The following BFAR variants were observed in gnomAD, a reference collection of about 807,000 sequenced individuals.
BFAR encodes the protein RING finger protein 47.
Under a neutral mutation model 54.4 loss-of-function variants are expected in BFAR, and 52 were observed. The ratio of observed to expected loss-of-function variants is 0.96; its 90% CI spans 0.77 to 1.21. The LOEUF (loss-of-function observed/expected upper bound fraction) is 1.21, where lower values mean the gene tolerates loss of function less well. BFAR is among the 50% of genes most tolerant of loss of function. The probability of loss-of-function intolerance (pLI) is 0.00; values close to 1 mark genes in which losing one functional copy is unlikely to be tolerated. For synonymous variants in BFAR, 215 were observed against 204.3 expected (o/e 1.05, Z -0.45); for missense variants, 571 against 534.0 (o/e 1.07, Z -0.68).
At chr16:14,641,839 G>A (rs1349480252) in intron 1 of BFAR, among the ~76,000 whole-genome samples, 1 of 152,166 alleles carries the variant, frequency 6.6e-6, no homozygotes, top group Non-Finnish European at 1.5e-5. Flanking sequence ...TCCAGCCTGG[G>A]CAAAAAGAGC....
At chr16:14,651,419 C>T (rs964072842) in intron 4 of BFAR, among the ~76,000 whole-genome samples, 2 of 152,206 alleles carry the variant, frequency 1.3e-5, no homozygotes, top group Admixed American at 1.3e-4. Flanking sequence ...GCACTCCCCT[C>T]CAGGAACCTC....
intron 1 of BFAR, among the ~76,000 whole-genome samples, chr16:14,640,169 GAA>G (rs1491552354): frequency 1.3e-5 from 2 of 150,582 alleles, no homozygotes; most frequent in African/African-American, 4.9e-5. Flanking sequence ...AAAAAAAGAA[GAA>G]GAGAGAGAGA....
In BFAR at chr16:14,668,110, A is replaced by C; in HGVS notation, c.*283A>C. ...CAGGGACTAGGAGGCTCAGTCCCCAACGGCTGGCAAGACTCAGGGTCCTCA... is the reference window on the plus strand; with the variant it reads ...CAGGGACTAGGAGGCTCAGTCCCCACCGGCTGGCAAGACTCAGGGTCCTCA... On this transcript the variant is annotated 3_prime_UTR_variant, in exon 8 of 8. Coordinates refer to ENST00000261658, the MANE Select transcript of BFAR (RefSeq NM_016561.3). The C allele has an allele frequency of 2.3e-6, 1 of 437,228 alleles. No homozygotes were observed. The highest frequency in any genetic ancestry group is 4.1e-6 in the Non-Finnish European group (1 of 243,152). The allele number at this position is 437,228 out of a possible 1,614,324, so 27.1% of individuals were successfully genotyped here. A position where few individuals can be genotyped will look rare whatever the true frequency, so the allele number is the denominator to read the frequency against.
In BFAR at chr16:14,663,378, C is replaced by T. The variant is rs191777416; in HGVS notation, c.957+1313C>T. Among the ~76,000 whole-genome samples, 921 of 151,972 alleles carry T rather than the reference C, an allele frequency of 6.1e-3. 5 individuals are homozygous for T. Among genetic ancestry groups the T allele is most frequent in the Non-Finnish European group, 1.0e-2 (679 of 67,978 alleles). On this transcript the variant is annotated intron_variant, in intron 6 of 7. Coordinates refer to ENST00000261658, the MANE Select transcript of BFAR (RefSeq NM_016561.3). ...ACAGAGTCTCGCCCTGTCGCCCAGG[C>T]TGGAGTGCAGTGGCGCAATCTTGGC...
In BFAR at chr16:14,669,187, G is replaced by A. The variant is rs1198748583; in HGVS notation, c.*1360G>A. The A allele has an allele frequency of 6.3e-6, 2 of 319,698 alleles. No individual in the cohort carries two copies. The highest frequency in any genetic ancestry group is 1.3e-5 in the Non-Finnish European group (2 of 154,352). 19.8% of individuals were successfully genotyped at this position (319,698 alleles called of 1,614,324 possible). ...ACTCAAAAGTTGCATCTGGAAGTTC[G>A]AAGAAATTACTTGAAATAAAAATAA... On this transcript the variant is annotated 3_prime_UTR_variant, in exon 8 of 8. Coordinates refer to ENST00000261658, the MANE Select transcript of BFAR (RefSeq NM_016561.3).
chr16:14,667,847 G>A lies in BFAR; in HGVS notation c.*20G>A, dbSNP rs1274854749. 6.2e-7 allele frequency: 1 copy of A among 1,608,336 alleles called. No individual in the cohort carries two copies. The highest frequency in any genetic ancestry group is 1.1e-5 in the South Asian group (1 of 90,906). ...TTGTGACTGGCACTGCCCAGGCTGAGACTCTTCAAGTCCCGCTGACGTCTG... is the reference window on the plus strand; with the variant it reads ...TTGTGACTGGCACTGCCCAGGCTGAAACTCTTCAAGTCCCGCTGACGTCTG... On this transcript the variant is annotated 3_prime_UTR_variant, in exon 8 of 8. Transcript: ENST00000261658.
chr16:14,664,536 A>G (rs949416700), intron 6 of BFAR, among the ~76,000 whole-genome samples: 6 of 151,852 alleles, frequency 4.0e-5, no homozygotes, highest in African/African-American at 9.7e-5. Flanking sequence ...GTCTCCCTCT[A>G]TCACCCAGGG....
At chr16:14,636,670 C>T (rs1959453473) in intron 1 of BFAR, among the ~76,000 whole-genome samples, 1 of 152,232 alleles carries the variant, frequency 6.6e-6, no homozygotes, top group Non-Finnish European at 1.5e-5. Flanking sequence ...TGCTAATCCT[C>T]CTCAGCACAG....
At position 14,667,882 on chromosome 16, in the gene BFAR, G is replaced by A. The variant is rs1027786597; in HGVS notation, c.*55G>A. 10 of 1,541,892 alleles carry A rather than the reference G, an allele frequency of 6.5e-6. No homozygotes were observed. The highest frequency in any genetic ancestry group is 8.9e-6 in the Non-Finnish European group (10 of 1,121,030). The stretch of plus-strand genomic sequence containing the variant: ...GTCCCGCTGACGTCTGAGCTTTGAT[G>A]CTTAAGAGGGGTGAGGCAGGGAGCG... On this transcript the variant is annotated 3_prime_UTR_variant, in exon 8 of 8. Transcript: ENST00000261658.
intron 2 of BFAR, among the ~76,000 whole-genome samples, chr16:14,647,416 C>A (rs1005199411): frequency 6.6e-6 from 1 of 152,162 alleles, no homozygotes; most frequent in East Asian, 2.0e-4. Flanking sequence ...ATGTGCCAGG[C>A]TGGGTGCGGT....
intron 2 of BFAR, among the ~76,000 whole-genome samples, chr16:14,645,932 G>A (rs1438673973): frequency 2.6e-5 from 4 of 152,076 alleles, no homozygotes; most frequent in South Asian, 2.1e-4. Flanking sequence ...GCAGTGGTAC[G>A]ACCTTGGCTC....
At chr16:14,665,304 G>T in intron 7 of BFAR, 99 of 381,502 alleles carry the variant, frequency 2.6e-4, no homozygotes, top group Middle Eastern at 8.0e-4. Flanking sequence ...TTATCTCTAT[G>T]CAATAATATA....
At chr16:14,657,650 C>T (rs1960167543) in intron 5 of BFAR, among the ~76,000 whole-genome samples, 1 of 152,106 alleles carries the variant, frequency 6.6e-6, no homozygotes, top group Non-Finnish European at 1.5e-5. Flanking sequence ...TCAAGCAATT[C>T]TCATATCTCA....
chr16:14,646,968 G>A (rs917519510), intron 2 of BFAR, among the ~76,000 whole-genome samples: 1 of 151,584 alleles, frequency 6.6e-6, no homozygotes. Flanking sequence ...GTAGCGATCA[G>A]GTCTCACTAT....
intron 1 of BFAR, among the ~76,000 whole-genome samples, chr16:14,636,311 T>C (rs1186841345): frequency 6.6e-6 from 1 of 152,204 alleles, no homozygotes; most frequent in Non-Finnish European, 1.5e-5. Flanking sequence ...TTCCTTAGTA[T>C]TTATTGATCA....
In BFAR at chr16:14,649,985, A is replaced by AGGT; in HGVS notation, c.638+13_638+14insGTG. On this transcript the variant is annotated intron_variant, in intron 4 of 7. Transcript: ENST00000261658. ...CGAGTAAATGGAAGGTGAGGAGCAA[A>AGGT]GTCTTCTGACACACCGTGGACATTT... 6 of 1,602,170 alleles carry AGGT rather than the reference A, an allele frequency of 3.7e-6. No individual in the cohort carries two copies. Among genetic ancestry groups the AGGT allele is most frequent in the Non-Finnish European group, 5.1e-6 (6 of 1,172,604 alleles).
intron 6 of BFAR, 58 bp from the exon 7 acceptor site, chr16:14,664,811 A>G (rs1960392198): frequency 6.6e-6 from 10 of 1,518,190 alleles, no homozygotes; most frequent in African/African-American, 2.7e-5. Context: ...GATCATCACA[A>G]TATTTTGTGT....
At position 14,645,315 on chromosome 16, in the gene BFAR, A is replaced by G. The variant is rs542391393; in HGVS notation, c.263+706A>G. On this transcript the variant is annotated intron_variant, in intron 2 of 7. Coordinates refer to ENST00000261658, the MANE Select transcript of BFAR (RefSeq NM_016561.3). The stretch of plus-strand genomic sequence containing the variant: ...ACAGAGCAAGACCCTGTCTCAAAAA[A>G]AAAGAAAGAAAGAAAGAAAGAAAGC... Among the ~76,000 whole-genome samples, 14 of 152,182 alleles carry G rather than the reference A, an allele frequency of 9.2e-5. No homozygotes were observed. The South Asian group carries it at 2.3e-3, about 25-fold the overall frequency.
Position 14,644,358 on chromosome 16 carries a change from T to C in BFAR, c.12T>C (p.Pro4=). Residue 4 remains proline, a synonymous_variant, in exon 2 of 8, where the codon CCT becomes CCC. Transcript: ENST00000261658. ...GAATTTGCTAAGAGATGGAGGAACC[T>C]CAGAAAAGCTATGTGAACACAATGG... MEE[P]QKSYVNTMDL... The C allele has an allele frequency of 6.2e-7, 1 of 1,613,416 alleles. No homozygotes were observed. Among genetic ancestry groups the C allele is most frequent in the Non-Finnish European group, 8.5e-7 (1 of 1,179,488 alleles).
Sources: allele counts gnomAD v4.1 joint callset (sites outside exome capture counted in the v4.1 genomes callset), GRCh38; gene constraint gnomAD v4.1.1; transcripts MANE v1.5; gene names NCBI Gene and HGNC (gene_info 2026-07-23, HGNC 2026-07-21).